The following ZNF736 variants were observed in gnomAD, a reference collection of about 807,000 sequenced individuals.
ZNF736 encodes zinc finger protein 736, also known as KRAB-containing zinc-finger repressor protein.
Under a neutral mutation model 11.7 loss-of-function variants are expected in ZNF736, and 6 were observed. The observed-to-expected ratio is 0.51, with a 90% CI of 0.28 to 1.01. The LOEUF (loss-of-function observed/expected upper bound fraction) is 1.01. ZNF736 is among the 50% of genes least tolerant of loss of function. ZNF736 has a pLI of 0.09. For missense variants in ZNF736, 444 were observed against 496.0 expected (o/e 0.90, Z 1.00); for synonymous variants, 139 against 164.7 (o/e 0.84, Z 1.19).
intron 3 of ZNF736, among the ~76,000 whole-genome samples, chr7:64,339,614 C>T (rs948655692): frequency 2.0e-4 from 31 of 152,174 alleles, no homozygotes; most frequent in African/African-American, 7.2e-4. Flanking sequence ...GATTTGTTTC[C>T]GGGCTCTCCA....
chr7:64,327,159 A>ATC (rs528693301), intron 1 of ZNF736, among the ~76,000 whole-genome samples: 95 of 152,172 alleles, frequency 6.2e-4, no homozygotes, highest in African/African-American at 2.2e-3. Flanking sequence ...ACTGGAGTTG[A>ATC]TCTCTCTCTC....
intron 3 of ZNF736, among the ~76,000 whole-genome samples, chr7:64,343,673 A>G (rs1789369696): frequency 6.6e-6 from 1 of 152,186 alleles, no homozygotes. Flanking sequence ...CACTATGTTG[A>G]TTCAATATTT....
intron 1 of ZNF736, among the ~76,000 whole-genome samples, chr7:64,329,560 G>A (rs1166329429): frequency 2.6e-5 from 4 of 152,090 alleles, no homozygotes; most frequent in African/African-American, 9.7e-5. Flanking sequence ...AGAGTCTCTG[G>A]GTTACCAGGC....
chr7:64,337,214 T>TGTG, intron 3 of ZNF736: 1 of 355,934 alleles, frequency 2.8e-6, no homozygotes. Context: ...TGTGTGTGTG[T>TGTG]TTTGTTTTGT....
chr7:64,341,991 A>G (rs1789344555), intron 3 of ZNF736, among the ~76,000 whole-genome samples: 1 of 152,218 alleles, frequency 6.6e-6, no homozygotes, highest in South Asian at 2.1e-4. Flanking sequence ...AAAGCCTCTT[A>G]ATGTCATGGA....
At chr7:64,318,330 TCTA>T (rs1363069654) in intron 1 of ZNF736, among the ~76,000 whole-genome samples, 1 of 152,020 alleles carries the variant, frequency 6.6e-6, no homozygotes, top group Non-Finnish European at 1.5e-5. Context: ...TTAGCAACAG[TCTA>T]CGAGTGTAGT....
chr7:64,325,158 A>C (rs1789066133), intron 1 of ZNF736, among the ~76,000 whole-genome samples: 1 of 117,648 alleles, frequency 8.5e-6, no homozygotes, highest in Non-Finnish European at 1.9e-5. Context: ...AGGAAAGAAA[A>C]ACCAGTTGTA....
At position 64,348,945 on chromosome 7, in the gene ZNF736, G is replaced by T. The variant is rs778071234; in HGVS notation, c.1082G>T (p.Arg361Ile). 1.9e-6 allele frequency: 3 copies of T among 1,595,842 alleles called. No individual in the cohort carries two copies. Among genetic ancestry groups the T allele is most frequent in the South Asian group, 1.1e-5 (1 of 89,004 alleles). ...TRSSTLFNHK[R>I]IHMEERPYKC... is the part of the protein sequence containing the mutation. ...TCCTCAACCCTTTTTAACCACAAGAGAATTCATATGGAAGAGAGACCTTAC... is the reference window on the plus strand; with the variant it reads ...TCCTCAACCCTTTTTAACCACAAGATAATTCATATGGAAGAGAGACCTTAC... The change falls in exon 4 of 4, where the codon AGA becomes ATA. Residue 361 changes from arginine to isoleucine, a missense_variant. By Grantham distance (97) the Arg-to-Ile change is moderately conservative (BLOSUM62 -3). Transcript: ENST00000423484.
chr7:64,340,687 G>A (rs1789324935), intron 3 of ZNF736, among the ~76,000 whole-genome samples: 1 of 152,130 alleles, frequency 6.6e-6, no homozygotes, highest in Non-Finnish European at 1.5e-5. Flanking sequence ...TAGGATTACA[G>A]GTGTGAACCA....
At chr7:64,330,296 A>G (rs551095845) in intron 1 of ZNF736, among the ~76,000 whole-genome samples, 1 of 152,120 alleles carries the variant, frequency 6.6e-6, no homozygotes, top group East Asian at 1.9e-4. Context: ...AGCTGAGACT[A>G]CAGGTGCCCA....
At chr7:64,332,736 C>G (rs532372943) in intron 1 of ZNF736, among the ~76,000 whole-genome samples, 1 of 152,090 alleles carries the variant, frequency 6.6e-6, no homozygotes, top group Admixed American at 6.6e-5. Flanking sequence ...GACCTCCCCC[C>G]AGGAGTGCAT....
At chr7:64,333,505 T>A (rs1304809903) in intron 1 of ZNF736, among the ~76,000 whole-genome samples, 2 of 152,166 alleles carry the variant, frequency 1.3e-5, no homozygotes, top group East Asian at 3.8e-4. Context: ...ACTGTTTAGC[T>A]TCCATTAAAT....
rs1584262070 is a variant in ZNF736 at position 64,314,006 on chromosome 7, C to T, written c.-145C>T. Reference sequence around the variant, plus strand: ...GGGCCTTTGTCTCCTAGCTTCCGGGCTCTGATCCTAGTTCGCGTCTCCACT... The same window carrying T: ...GGGCCTTTGTCTCCTAGCTTCCGGGTTCTGATCCTAGTTCGCGTCTCCACT... On this transcript the variant is annotated 5_prime_UTR_variant, in exon 1 of 4. Coordinates refer to ENST00000423484, the MANE Select transcript of ZNF736 (RefSeq NM_001170905.3). 3 of 1,142,452 alleles carry T rather than the reference C, an allele frequency of 2.6e-6. No homozygotes were observed. The highest frequency in any genetic ancestry group is 2.6e-5 in the East Asian group (1 of 38,824). The allele number at this position is 1,142,452 out of a possible 1,614,324, so 70.8% of individuals were successfully genotyped here. A position where few individuals can be genotyped will look rare whatever the true frequency, so the allele number is the denominator to read the frequency against.
Position 64,348,769 on chromosome 7 carries a change from A to G in ZNF736, c.906A>G (p.Lys302=), listed in dbSNP as rs1789446754. 1 of 1,591,714 alleles carries G rather than the reference A, an allele frequency of 6.3e-7. No homozygotes were observed. ...KAYRWFSDLA[K]HKIIHTGDKP... is the part of the protein sequence containing the mutation. ...ATAGGTGGTTCTCAGACCTTGCTAAACATAAGATAATTCATACTGGAGACA... is the reference window on the plus strand; with the variant it reads ...ATAGGTGGTTCTCAGACCTTGCTAAGCATAAGATAATTCATACTGGAGACA... Residue 302 remains lysine (K), a synonymous_variant, in exon 4 of 4, where the codon AAA becomes AAG. Transcript: ENST00000423484.
At chr7:64,316,953 A>G (rs536975823) in intron 1 of ZNF736, among the ~76,000 whole-genome samples, 1 of 152,224 alleles carries the variant, frequency 6.6e-6, no homozygotes, top group African/African-American at 2.4e-5. Context: ...TGTCTCTCTC[A>G]TGATGCCTGC....
chr7:64,335,704 GTCTT>G (rs757440603), intron 1 of ZNF736, among the ~76,000 whole-genome samples: 3 of 152,066 alleles, frequency 2.0e-5, no homozygotes, highest in Non-Finnish European at 2.9e-5. Context: ...GAAGGCTCTC[GTCTT>G]TCTTTACTGG....
In ZNF736 at chr7:64,336,970, G is replaced by T. The variant is rs957614486; in HGVS notation, c.214G>T (p.Ala72Ser). 3 of 1,602,090 alleles carry T rather than the reference G, an allele frequency of 1.9e-6. No individual in the cohort carries two copies. Among genetic ancestry groups the T allele is most frequent in the South Asian group, 2.2e-5 (2 of 89,816 alleles). ...GAAAGTGAAGAGACAGGAGGCAGTA[G>T]CCAAACACCCAGGTAGGTGGGAGTG... ...PWKVKRQEAV[A>S]KHPAGSFHFT... Residue 72 changes from alanine (A) to serine (S), a missense_variant, in exon 3 of 4, where the codon GCC becomes TCC. Coordinates refer to ENST00000423484, the MANE Select transcript of ZNF736 (RefSeq NM_001170905.3).
At chr7:64,323,899 A>C (rs551338743) in intron 1 of ZNF736, among the ~76,000 whole-genome samples, 2 of 152,220 alleles carry the variant, frequency 1.3e-5, no homozygotes, top group Non-Finnish European at 2.9e-5. Flanking sequence ...TGATTTTTTT[A>C]AAAAAGTAAA....
chr7:64,345,518 A>T (rs1789397831), intron 3 of ZNF736, among the ~76,000 whole-genome samples: 1 of 151,002 alleles, frequency 6.6e-6, no homozygotes, highest in Admixed American at 6.6e-5. Context: ...ATCATAAGGT[A>T]AGGAGATCGA....
Sources: gnomAD v4.1 joint callset for allele counts (sites outside exome capture counted in the v4.1 genomes callset) on GRCh38, gnomAD v4.1.1 for gene constraint, MANE v1.5 for transcripts, NCBI Gene and HGNC (gene_info 2026-07-23, HGNC 2026-07-21) for gene names.